The following SHISA9 variants were observed in gnomAD, a reference collection of about 807,000 sequenced individuals.
The protein encoded by SHISA9 is shisa family member 9.
Under a neutral mutation model 38.0 loss-of-function variants are expected in SHISA9, and 13 were observed. The observed-to-expected ratio is 0.34, with a 90% CI of 0.22 to 0.54. SHISA9 has a LOEUF of 0.54. Among genes scored for constraint, SHISA9 ranks in the 20% least tolerant of loss-of-function variants. The probability of loss-of-function intolerance (pLI) is 0.91; values close to 1 mark genes in which losing one functional copy is unlikely to be tolerated. For synonymous variants in SHISA9, 275 were observed against 242.0 expected, an observed-to-expected ratio of 1.14 and a Z score of -1.27; for missense variants, 538 against 575.8, an observed-to-expected ratio of 0.93 and a Z score of 0.67.
At chr16:12,904,325 C>G (rs977620202) in intron 1 of SHISA9, among the ~76,000 whole-genome samples, 1 of 152,190 alleles carries the variant, frequency 6.6e-6, no homozygotes. Context: ...AAGCCCTGCC[C>G]TCGCGAACCA....
intron 2 of SHISA9, among the ~76,000 whole-genome samples, chr16:12,937,236 TA>T (rs1596538606): frequency 6.6e-6 from 1 of 152,164 alleles, no homozygotes; most frequent in Non-Finnish European, 1.5e-5. Context: ...TTAAAAAAAT[TA>T]ACGTATTTAT....
the SHISA9 span, among the ~76,000 whole-genome samples, chr16:13,274,506 T>C: frequency 6.6e-6 from 1 of 152,188 alleles, no homozygotes; most frequent in Non-Finnish European, 1.5e-5. Flanking sequence ...CAAATGCTTA[T>C]AAATGGTTTA....
chr16:13,364,735 C>T, the SHISA9 span, among the ~76,000 whole-genome samples: 1 of 152,150 alleles, frequency 6.6e-6, no homozygotes, highest in Non-Finnish European at 1.5e-5. Context: ...GGTGGTTTCC[C>T]TGGACGATAA....
chr16:13,325,895 CT>C, the SHISA9 span, among the ~76,000 whole-genome samples: 1 of 151,154 alleles, frequency 6.6e-6, no homozygotes, highest in African/African-American at 2.4e-5. Flanking sequence ...ACCAGGGCCT[CT>C]CGGTGGGGTA....
At chr16:12,934,746 A>G (rs917179605) in intron 2 of SHISA9, among the ~76,000 whole-genome samples, 1 of 152,226 alleles carries the variant, frequency 6.6e-6, no homozygotes, top group African/African-American at 2.4e-5. Flanking sequence ...AAAGCCATCA[A>G]TAATTTTCTT....
chr16:13,197,152 T>G (rs1231646394), intron 2 of SHISA9, among the ~76,000 whole-genome samples: 2 of 131,268 alleles, frequency 1.5e-5, no homozygotes, highest in Non-Finnish European at 3.5e-5. Context: ...TGTGTATATA[T>G]ATATAGAGAG....
At chr16:13,367,794 C>T in the SHISA9 span, among the ~76,000 whole-genome samples, 1 of 151,938 alleles carries the variant, frequency 6.6e-6, no homozygotes, top group South Asian at 2.1e-4. Flanking sequence ...CAAACCCTTA[C>T]TTACTTCTGG....
chr16:13,327,461 CA>C, the SHISA9 span, among the ~76,000 whole-genome samples: 1 of 151,940 alleles, frequency 6.6e-6, no homozygotes, highest in Non-Finnish European at 1.5e-5. Context: ...ACTAAAAATA[CA>C]AAAATTAGGT....
At chr16:13,100,543 C>T (rs1236007950) in intron 2 of SHISA9, among the ~76,000 whole-genome samples, 1 of 152,108 alleles carries the variant, frequency 6.6e-6, no homozygotes, top group Non-Finnish European at 1.5e-5. Flanking sequence ...ACAGGAATGA[C>T]AGCTCATTCA....
chr16:13,494,234 C>G, the SHISA9 span, among the ~76,000 whole-genome samples: 1 of 152,130 alleles, frequency 6.6e-6, no homozygotes, highest in East Asian at 1.9e-4. Flanking sequence ...CTCCTCTGCC[C>G]ACACTCAAAA....
Position 13,038,753 on chromosome 16 carries a change from C to T in SHISA9, c.691+121938C>T, listed in dbSNP as rs114752372. Among the ~76,000 whole-genome samples the T allele has an allele frequency of 4.2e-3, 642 of 152,304 alleles. 5 individuals are homozygous for T. The highest frequency in any genetic ancestry group is 0.015 in the African/African-American group (620 of 41,562). ...GTGATCGTTTGTTAATTCTCTTCCT[C>T]ACTAGACCTTAAGCTCCACAGAGGC... On this transcript the variant is annotated intron_variant, in intron 2 of 4. Coordinates refer to ENST00000558583, the MANE Select transcript of SHISA9 (RefSeq NM_001145204.3).
intron 2 of SHISA9, among the ~76,000 whole-genome samples, chr16:13,080,471 C>A (rs2073635910): frequency 6.6e-6 from 1 of 152,148 alleles, no homozygotes; most frequent in African/African-American, 2.4e-5. Context: ...CAAGAAGTGT[C>A]CCATTGGTCT....
intron 2 of SHISA9, among the ~76,000 whole-genome samples, chr16:12,988,606 C>A (rs143322714): frequency 5.9e-5 from 9 of 152,278 alleles, no homozygotes; most frequent in African/African-American, 2.2e-4. Context: ...CTCACTGCAA[C>A]TTCCGCCTCC....
chr16:13,166,195 A>C (rs1382012691), intron 2 of SHISA9, among the ~76,000 whole-genome samples: 1 of 152,190 alleles, frequency 6.6e-6, no homozygotes, highest in African/African-American at 2.4e-5. Context: ...CTTTTCTCCA[A>C]GTACCTCTCT....
chr16:13,310,277 C>G, the SHISA9 span, among the ~76,000 whole-genome samples: 1 of 151,650 alleles, frequency 6.6e-6, no homozygotes, highest in Non-Finnish European at 1.5e-5. Flanking sequence ...AATTCAAGGA[C>G]TGGAGGTGGG....
chr16:12,995,244 C>T (rs1181640003), intron 2 of SHISA9, among the ~76,000 whole-genome samples: 1 of 152,148 alleles, frequency 6.6e-6, no homozygotes, highest in Non-Finnish European at 1.5e-5. Flanking sequence ...CATTTACACT[C>T]TTTTAATTAG....
chr16:13,437,584 C>G, the SHISA9 span, among the ~76,000 whole-genome samples: 1 of 152,128 alleles, frequency 6.6e-6, no homozygotes, highest in African/African-American at 2.4e-5. Context: ...TTCTGTGTTA[C>G]CTCCCAAGCC....
chr16:13,068,814 ATGTG>A (rs1288887712), intron 2 of SHISA9, among the ~76,000 whole-genome samples: 3 of 152,126 alleles, frequency 2.0e-5, no homozygotes, highest in African/African-American at 7.2e-5. Flanking sequence ...TGTACATGCA[ATGTG>A]TGTATGTGTA....
the SHISA9 span, among the ~76,000 whole-genome samples, chr16:13,374,266 G>A: frequency 9.2e-5 from 14 of 151,410 alleles, no homozygotes; most frequent in Middle Eastern, 0.01. Context: ...TGCTGCACCC[G>A]TTAACTCGTC....
Sources: allele counts gnomAD v4.1 joint callset (sites outside exome capture counted in the v4.1 genomes callset), GRCh38; gene constraint gnomAD v4.1.1; transcripts MANE v1.5; gene names NCBI Gene and HGNC (gene_info 2026-07-23, HGNC 2026-07-21).